Variants in CCDC91 observed in about 807,000 individuals in gnomAD.
CCDC91 encodes the protein coiled-coil domain-containing protein 91.
A neutral mutation model predicts 63.2 loss-of-function variants in CCDC91; 48 were observed. The ratio of observed to expected loss-of-function variants is 0.76; its 90% CI spans 0.60 to 0.97. The LOEUF (loss-of-function observed/expected upper bound fraction) is 0.97. Ranked by LOEUF, CCDC91 falls within the 50% of genes least tolerant of loss-of-function variation. The probability of loss-of-function intolerance (pLI) is 0.00; values close to 1 mark genes in which losing one functional copy is unlikely to be tolerated. For missense variants in CCDC91, 500 were observed against 494.6 expected, an observed-to-expected ratio of 1.01 and a Z score of -0.10; for synonymous variants, 167 against 165.8, an observed-to-expected ratio of 1.01 and a Z score of -0.06.
chr12:28,269,902 A>G (rs1947624070), intron 3 of CCDC91, among the ~76,000 whole-genome samples: 1 of 152,064 alleles, frequency 6.6e-6, no homozygotes, highest in Non-Finnish European at 1.5e-5. Context: ...GTGCCTAATC[A>G]AAGTTTTTTT....
At chr12:28,425,229 A>G (rs1948242285) in intron 8 of CCDC91, among the ~76,000 whole-genome samples, 1 of 152,088 alleles carries the variant, frequency 6.6e-6, no homozygotes, top group Non-Finnish European at 1.5e-5. Context: ...TATTTCCATT[A>G]CTAGCCCAGG....
intron 8 of CCDC91, among the ~76,000 whole-genome samples, chr12:28,401,028 T>C (rs1440836795): frequency 6.6e-6 from 1 of 152,114 alleles, no homozygotes; most frequent in African/African-American, 2.4e-5. Flanking sequence ...TCCTCTGAGC[T>C]CTCCAAATGG....
intron 6 of CCDC91, among the ~76,000 whole-genome samples, chr12:28,318,249 C>T (rs139927225): frequency 7.3e-4 from 110 of 151,512 alleles, no homozygotes; most frequent in Middle Eastern, 3.4e-3. Context: ...ATTATTAGTA[C>T]GGTGGTTCAT....
At chr12:28,423,999 T>C (rs1280073065) in intron 8 of CCDC91, among the ~76,000 whole-genome samples, 1 of 152,134 alleles carries the variant, frequency 6.6e-6, no homozygotes, top group Non-Finnish European at 1.5e-5. Flanking sequence ...TGGAAGATTG[T>C]TTTATGGAAC....
At chr12:28,339,931 A>G (rs1368831927) in intron 6 of CCDC91, among the ~76,000 whole-genome samples, 2 of 152,204 alleles carry the variant, frequency 1.3e-5, no homozygotes, top group African/African-American at 2.4e-5. Context: ...TATTGTGAGG[A>G]TCAAATCACT....
chr12:28,273,189 A>G (rs1312279839), intron 3 of CCDC91, among the ~76,000 whole-genome samples: 7 of 152,130 alleles, frequency 4.6e-5, no homozygotes, highest in Admixed American at 3.3e-4. Flanking sequence ...TTATGGCTGC[A>G]TAGTATTCCA....
At chr12:28,228,874 C>A (rs1214280130) in intron 1 of CCDC91, among the ~76,000 whole-genome samples, 2 of 152,084 alleles carry the variant, frequency 1.3e-5, no homozygotes, top group Non-Finnish European at 2.9e-5. Flanking sequence ...GAGGATACAT[C>A]CTCAGTGTGG....
chr12:28,257,127 C>CAT, intron 1 of CCDC91, 75 bp from the exon 2 acceptor site: 1 of 847,034 alleles, frequency 1.2e-6, no homozygotes, highest in Non-Finnish European at 2.0e-6. Context: ...AATATGTATA[C>CAT]ATTTAAGTTG....
chr12:28,494,529 T>G (rs1308988912), intron 12 of CCDC91, among the ~76,000 whole-genome samples: 1 of 151,730 alleles, frequency 6.6e-6, no homozygotes, highest in African/African-American at 2.4e-5. Flanking sequence ...GTGCTATATC[T>G]TACACCTTAC....
Position 28,298,338 on chromosome 12 carries a change from A to G in CCDC91, c.110-7311A>G, listed in dbSNP as rs1949675906. On this transcript the variant is annotated intron_variant, in intron 3 of 12. Transcript: ENST00000536442. ...GCTTGCATCTCCAAATTTTGTGTTT[A>G]TTGGTCTGTTGCTGATTGTTGAGTT... Among the ~76,000 whole-genome samples the G allele has an allele frequency of 3.4e-5, 5 of 144,960 alleles. No individual in the cohort carries two copies. The South Asian group carries it at 1.1e-3, about 32-fold the overall frequency.
chr12:28,279,922 C>T (rs187989727), intron 3 of CCDC91, among the ~76,000 whole-genome samples: 115 of 151,940 alleles, frequency 7.6e-4, no homozygotes, highest in Non-Finnish European at 1.4e-3. Context: ...TTTATGCAGT[C>T]GGGTGTGGTC....
At chr12:28,462,701 T>C (rs1950364678) in intron 11 of CCDC91, among the ~76,000 whole-genome samples, 1 of 152,142 alleles carries the variant, frequency 6.6e-6, no homozygotes, top group Admixed American at 6.6e-5. Context: ...CTATGCTATG[T>C]CATAAATATA....
intron 12 of CCDC91, among the ~76,000 whole-genome samples, chr12:28,507,691 G>T (rs953672790): frequency 2.0e-5 from 3 of 151,840 alleles, no homozygotes; most frequent in Non-Finnish European, 4.4e-5. Flanking sequence ...TTACTGTGCT[G>T]TATCCAGATT....
intron 6 of CCDC91, among the ~76,000 whole-genome samples, chr12:28,353,651 C>T (rs1354838666): frequency 1.8e-4 from 27 of 151,926 alleles, no homozygotes; most frequent in African/African-American, 6.0e-4. Flanking sequence ...GTTTTTCAGT[C>T]GAAACACATA....
chr12:28,383,442 CTTGT>C (rs1346272187), intron 7 of CCDC91, among the ~76,000 whole-genome samples: 2 of 152,086 alleles, frequency 1.3e-5, no homozygotes, highest in Non-Finnish European at 2.9e-5. Flanking sequence ...GAAGGGAGAA[CTTGT>C]TTGTTTCTTA....
At chr12:28,246,508 A>G (rs1001383659) in intron 1 of CCDC91, among the ~76,000 whole-genome samples, 1 of 152,088 alleles carries the variant, frequency 6.6e-6, no homozygotes, top group Non-Finnish European at 1.5e-5. Flanking sequence ...TTTTGTCATC[A>G]TGCTTATTTT....
chr12:28,217,882 T>A (rs1943666088), intron 1 of CCDC91, among the ~76,000 whole-genome samples: 1 of 152,086 alleles, frequency 6.6e-6, no homozygotes, highest in African/African-American at 2.4e-5. Context: ...CCTGATAACT[T>A]TCACTATCCG....
intron 3 of CCDC91, among the ~76,000 whole-genome samples, chr12:28,261,617 ACTT>A (rs1946827685): frequency 6.6e-6 from 1 of 151,998 alleles, no homozygotes; most frequent in South Asian, 2.1e-4. Context: ...GGCAAATTGT[ACTT>A]CTTTACTTTT....
At chr12:28,214,692 G>A (rs1943453861) in intron 1 of CCDC91, among the ~76,000 whole-genome samples, 2 of 152,224 alleles carry the variant, frequency 1.3e-5, no homozygotes, top group Admixed American at 1.3e-4. Context: ...TTACATCATA[G>A]TGTTTAAATT....
Sources: allele counts gnomAD v4.1 joint callset (sites outside exome capture counted in the v4.1 genomes callset), GRCh38; gene constraint gnomAD v4.1.1; transcripts MANE v1.5; gene names NCBI Gene and HGNC (gene_info 2026-07-23, HGNC 2026-07-21).